Variants in VPS26B observed in about 807,000 individuals in gnomAD.
The protein encoded by VPS26B is vacuolar protein sorting-associated protein 26B.
In VPS26B, 10 loss-of-function variants were observed where a neutral mutation model predicts 33.3. That is an observed-to-expected ratio of 0.30 (90% confidence interval 0.19 to 0.51). VPS26B has a LOEUF of 0.51. Ranked by LOEUF, VPS26B falls within the 20% of genes least tolerant of loss-of-function variation. VPS26B has a pLI of 0.98. For synonymous variants in VPS26B, 190 were observed against 176.9 expected (o/e 1.07, Z -0.59); for missense variants, 317 against 452.7 (o/e 0.70, Z 2.72).
chr11:134,225,418 C>G, intron 1 of VPS26B, 73 bp downstream of exon 1: 1 of 1,474,734 alleles, frequency 6.8e-7, no homozygotes, highest in African/African-American at 1.4e-5. Flanking sequence ...CAGGGCCCAG[C>G]TCCTCCGGCG....
chr11:134,226,299 G>C (rs1167451459), intron 1 of VPS26B, among the ~76,000 whole-genome samples: 1 of 152,028 alleles, frequency 6.6e-6, no homozygotes, highest in Admixed American at 6.5e-5. Context: ...CTAGCTCCTC[G>C]GGGGGCTAAG....
intron 1 of VPS26B, among the ~76,000 whole-genome samples, chr11:134,233,024 C>G (rs750762048): frequency 6.6e-6 from 1 of 152,182 alleles, no homozygotes; most frequent in Non-Finnish European, 1.5e-5. Flanking sequence ...TTGGAGCTGC[C>G]ACCTCCCACT....
chr11:134,225,828 A>G (rs892426672), intron 1 of VPS26B, among the ~76,000 whole-genome samples: 1 of 152,024 alleles, frequency 6.6e-6, no homozygotes, highest in African/African-American at 2.4e-5. Flanking sequence ...GCCCGCACCA[A>G]CCCGTTTTTC....
At chr11:134,230,086 C>T (rs1459355557) in intron 1 of VPS26B, among the ~76,000 whole-genome samples, 1 of 152,214 alleles carries the variant, frequency 6.6e-6, no homozygotes, top group Admixed American at 6.5e-5. Flanking sequence ...CTGACTTCCC[C>T]AGGCTGACTT....
intron 2 of VPS26B, among the ~76,000 whole-genome samples, chr11:134,235,915 T>C (rs941528618): frequency 6.6e-6 from 1 of 152,232 alleles, no homozygotes; most frequent in Non-Finnish European, 1.5e-5. Flanking sequence ...ATTCCAGGTC[T>C]TGATACCATC....
At chr11:134,236,709 A>G (rs1038479137) in intron 2 of VPS26B, 1 of 152,254 alleles carries the variant, frequency 6.6e-6, no homozygotes, top group Admixed American at 6.5e-5. Context: ...GAAGCCTGTC[A>G]CAAAAGGACA....
At chr11:134,241,585 C>T (rs546979864) in intron 3 of VPS26B, among the ~76,000 whole-genome samples, 15 of 152,350 alleles carry the variant, frequency 9.8e-5, no homozygotes, top group Non-Finnish European at 2.1e-4. Context: ...TCCAGAGTGC[C>T]TACCCACTAC....
chr11:134,225,332 C>T lies in VPS26B; in HGVS notation c.210C>T (p.Phe70=), dbSNP rs1035067092. 6.2e-7 allele frequency: 1 copy of T among 1,613,864 alleles called. No individual in the cohort carries two copies. The highest frequency in any genetic ancestry group is 8.5e-7 in the Non-Finnish European group (1 of 1,179,882). Residue 70 remains phenylalanine, a synonymous_variant, in exon 1 of 6, where the codon TTC becomes TTT. Transcript: ENST00000281187. The part of the protein sequence containing the change: ...RLEHQGIKIE[F]IGQIELYYDR... ...AGCACCAGGGCATCAAGATCGAGTT[C>T]ATCGGGCAGATCGGTGAGTCGACCC...
rs964200702 is a variant in VPS26B, at chr11:134,240,987, G to C, written c.545+832G>C. 9.2e-5 allele frequency among the ~76,000 whole-genome samples: 14 copies of C among 152,192 alleles called. No homozygotes were observed. The highest frequency in any genetic ancestry group is 2.6e-4 in the African/African-American group (11 of 41,514). On this transcript the variant is annotated intron_variant, in intron 3 of 5. Coordinates refer to ENST00000281187, the MANE Select transcript of VPS26B (RefSeq NM_052875.5). This position sits in a 1 kb window ranked among gnomAD's most constrained non-coding sequence, Gnocchi z 4.4. ...GTCTTAAAATGACTTTATTTTAACT[G>C]GCAAGTTGGGAAGATGTATATCTTT...
rs1215801795 is a variant in VPS26B at position 134,243,182 on chromosome 11, G to A, written c.609G>A (p.Lys203=). The A allele has an allele frequency of 2.5e-6, 4 of 1,613,866 alleles. No homozygotes were observed. Among genetic ancestry groups the A allele is most frequent in the Non-Finnish European group, 2.5e-6 (3 of 1,180,010 alleles). ...IYFLLVRIKI[K]HMEIDIIKRE... is the part of the protein sequence containing the mutation. ...TCCTGCTGGTGAGAATCAAAATCAA[G>A]CACATGGAGATAGACATCATCAAGC... Residue 203 remains lysine (K), a synonymous_variant, in exon 4 of 6, where the codon AAG becomes AAA. Transcript: ENST00000281187.
rs1439892356 is a variant in VPS26B at position 134,244,802 on chromosome 11, C to T, written c.722-136C>T. The T allele has an allele frequency of 2.1e-5, 26 of 1,234,786 alleles. No individual in the cohort carries two copies. Among genetic ancestry groups the T allele is most frequent in the South Asian group, 9.7e-5 (6 of 61,814 alleles). 76.5% of individuals were successfully genotyped at this position (1,234,786 alleles called of 1,614,324 possible). ...TTCAGCCACCTGCTGGGCAGCAGAG[C>T]GACTGCACCTTCCCAGAAGGCTGAA... On this transcript the variant is annotated intron_variant, in intron 4 of 5. Coordinates refer to ENST00000281187, the MANE Select transcript of VPS26B (RefSeq NM_052875.5). This position sits in a 1 kb window ranked among gnomAD's most constrained non-coding sequence, Gnocchi z 4.0.
chr11:134,227,556 T>G (rs1938497942), intron 1 of VPS26B, among the ~76,000 whole-genome samples: 1 of 152,190 alleles, frequency 6.6e-6, no homozygotes, highest in African/African-American at 2.4e-5. Flanking sequence ...CCACCTGATT[T>G]CTTGTCTATC....
rs140389768 is a variant in VPS26B at position 134,239,997 on chromosome 11, C to A, written c.387C>A (p.Phe129Leu). Residue 129 changes from phenylalanine (F) to leucine (L), a missense_variant, in exon 3 of 6, where the codon TTC becomes TTA. Coordinates refer to ENST00000281187, the MANE Select transcript of VPS26B (RefSeq NM_052875.5). ...ACAGTTCCGTCTCCTACAGCTATTT[C>A]CTTCGTGCTACCATCAGCCGCCGCC... ...YTGQNVKLRY[F>L]LRATISRRLN... 1.2e-6 allele frequency: 2 copies of A among 1,614,096 alleles called. No homozygotes were observed. Among genetic ancestry groups the A allele is most frequent in the Non-Finnish European group, 1.7e-6 (2 of 1,180,030 alleles).
chr11:134,239,440 T>C (rs1288968941), intron 2 of VPS26B, among the ~76,000 whole-genome samples: 1 of 152,260 alleles, frequency 6.6e-6, no homozygotes, highest in Non-Finnish European at 1.5e-5. Context: ...GTTTGTGGAA[T>C]GAATAGCTGA....
rs1405344270 is a variant in VPS26B, at chr11:134,244,165, TA to T, written c.722-772del. 1 of 152,192 alleles carries T rather than the reference TA, an allele frequency of 6.6e-6. No homozygotes were observed. Among genetic ancestry groups the T allele is most frequent in the African/African-American group, 2.4e-5 (1 of 41,446 alleles). 9.4% of individuals were successfully genotyped at this position (152,192 alleles called of 1,614,324 possible). A position where few individuals can be genotyped will look rare whatever the true frequency, so the allele number is the denominator to read the frequency against. ...CCCATTTTGTCACTGGCTGTGCAAA[TA>T]GAGCCAGCTGTCATTTTTCCTGTAC... On this transcript the variant is annotated intron_variant, in intron 4 of 5. Coordinates refer to ENST00000281187, the MANE Select transcript of VPS26B (RefSeq NM_052875.5). The surrounding 1 kb of genome is among the most constrained non-coding windows in gnomAD (Gnocchi z 4.0).
At chr11:134,243,349 C>T in intron 4 of VPS26B, 55 bp downstream of exon 4, 1 of 1,597,156 alleles carries the variant, frequency 6.3e-7, no homozygotes, top group Non-Finnish European at 8.6e-7. Context: ...ATGTCCTGCA[C>T]AGAATTCTGG....
intron 1 of VPS26B, among the ~76,000 whole-genome samples, chr11:134,228,799 C>T (rs76959906): frequency 0.013 from 1,960 of 152,264 alleles, 36 homozygotes; most frequent in African/African-American, 0.044. Flanking sequence ...AAGCTGCGGT[C>T]GTGTGGTTTT....
intron 1 of VPS26B, among the ~76,000 whole-genome samples, chr11:134,231,124 A>G (rs1938549635): frequency 6.6e-6 from 1 of 152,178 alleles, no homozygotes; most frequent in African/African-American, 2.4e-5. Context: ...CGCCTTGGAG[A>G]CTAATGGGTT....
rs1464840259 is a variant in VPS26B at position 134,239,813 on chromosome 11, AG to A, written c.381-176del. 59 of 668,858 alleles carry A rather than the reference AG, an allele frequency of 8.8e-5. No individual in the cohort carries two copies. The East Asian group carries it at 1.6e-3, about 18-fold the overall frequency. The allele number at this position is 668,858 out of a possible 1,614,324, so 41.4% of individuals were successfully genotyped here. A position where few individuals can be genotyped will look rare whatever the true frequency, so the allele number is the denominator to read the frequency against. On this transcript the variant is annotated intron_variant, in intron 2 of 5. Coordinates refer to ENST00000281187, the MANE Select transcript of VPS26B (RefSeq NM_052875.5). ...ATTGTGGTTGAAAAGGTCTCTGTAT[AG>A]GTACATATGTGCATCTTTCCCTGGA...
Sources: allele counts gnomAD v4.1 joint callset (sites outside exome capture counted in the v4.1 genomes callset), GRCh38; gene constraint gnomAD v4.1.1; non-coding constraint Gnocchi (gnomAD v3.1); transcripts MANE v1.5; gene names NCBI Gene and HGNC (gene_info 2026-07-23, HGNC 2026-07-21).